Variants in CWC22 observed in about 807,000 individuals in gnomAD.
The protein encoded by CWC22 is CWC22 spliceosome associated protein.
Under a neutral mutation model 117.2 loss-of-function variants are expected in CWC22, and 53 were observed. The ratio of observed to expected loss-of-function variants is 0.45; its 90% CI spans 0.36 to 0.57. The LOEUF is 0.57. Among genes scored for constraint, CWC22 ranks in the 20% least tolerant of loss-of-function variants. The pLI is 0.00. For synonymous variants in CWC22, 360 were observed against 355.6 expected, an observed-to-expected ratio of 1.01 and a Z score of -0.14; for missense variants, 980 against 1,068.8, an observed-to-expected ratio of 0.92 and a Z score of 1.16.
chr2:179,988,467 C>A, intron 3 of CWC22, 110 bp downstream of exon 3: 1 of 623,892 alleles, frequency 1.6e-6, no homozygotes. Flanking sequence ...GGTTATAAAA[C>A]CATTAAAAAG....
At position 179,978,303 on chromosome 2, in the gene CWC22, C is replaced by T. The variant is rs201013176; in HGVS notation, c.468G>A (p.Arg156=). The change falls in exon 6 of 20, where the codon AGG becomes AGA. Residue 156 remains arginine, a synonymous_variant. Transcript: ENST00000410053. ...ITDKNSLAYQ[R]MSWEALKKSI... Reference sequence around the variant, plus strand: ...ACTTCTTCAGGGCCTCCCAACTCATCCTCTGGTATGCTAAGCTAAAAAGAA... The same window carrying T: ...ACTTCTTCAGGGCCTCCCAACTCATTCTCTGGTATGCTAAGCTAAAAAGAA... The T allele has an allele frequency of 8.5e-6, 13 of 1,520,822 alleles. No homozygotes were observed. The East Asian group carries it at 3.2e-4, about 37-fold the overall frequency. 94.2% of individuals were successfully genotyped at this position (1,520,822 alleles called of 1,614,324 possible).
At chr2:179,953,360 T>C (rs142534788) in intron 16 of CWC22, among the ~76,000 whole-genome samples, 6 of 152,256 alleles carry the variant, frequency 3.9e-5, no homozygotes, top group Non-Finnish European at 7.4e-5. Context: ...TTCTACAAGA[T>C]AATCCTGTTC....
rs768570268 is a variant in CWC22 at position 179,986,779 on chromosome 2, C to T, written c.122G>A (p.Arg41Gln). The part of the protein sequence containing the change: ...DRYEEQERSP[R>Q]DRDYFDYSRS... ...GCTGTAATCAAAGTAATCTCTATCC[C>T]GGGGGGATCGTTCTTGTTCTTCATA... Residue 41 changes from arginine (R) to glutamine (Q), a missense_variant, in exon 4 of 20, where the codon CGG (arginine) becomes CAG (glutamine). Arg to Gln is a conservative substitution (Grantham distance 43). This residue lies in a region of CWC22 where 559 missense variants were observed against 602.3 expected (regional missense o/e 0.93). Transcript: ENST00000410053. 18 of 1,595,442 alleles carry T rather than the reference C, an allele frequency of 1.1e-5. No individual in the cohort carries two copies. Among genetic ancestry groups the T allele is most frequent in the Admixed American group, 5.3e-5 (3 of 56,768 alleles).
intron 14 of CWC22, among the ~76,000 whole-genome samples, chr2:179,956,441 T>C (rs924689641): frequency 2.0e-5 from 3 of 151,698 alleles, no homozygotes; most frequent in East Asian, 1.9e-4. Context: ...AAGTGCAGAA[T>C]ATAAATACTT....
chr2:179,949,229 A>G (rs1372580421), intron 19 of CWC22, among the ~76,000 whole-genome samples: 2 of 152,196 alleles, frequency 1.3e-5, no homozygotes, highest in African/African-American at 4.8e-5. Flanking sequence ...GAGGTCTGGT[A>G]GCCTTGCAGG....
chr2:179,970,161 T>C (rs966964290), intron 11 of CWC22, among the ~76,000 whole-genome samples: 2 of 152,156 alleles, frequency 1.3e-5, no homozygotes, highest in African/African-American at 4.8e-5. Context: ...TACCACTTAA[T>C]TGAATACTAA....
intron 16 of CWC22, among the ~76,000 whole-genome samples, chr2:179,953,663 C>T (rs1686511613): frequency 6.6e-6 from 1 of 152,048 alleles, no homozygotes; most frequent in South Asian, 2.1e-4. Flanking sequence ...AATTTCAATC[C>T]AGTGCACATT....
chr2:179,959,184 A>G (rs1686682621), intron 13 of CWC22, 102 bp from the exon 14 acceptor site: 1 of 746,138 alleles, frequency 1.3e-6, no homozygotes, highest in Non-Finnish European at 2.2e-6. Context: ...ATCTTTTTTA[A>G]CTGTAATTTC....
At chr2:179,998,435 T>C (rs1170531862) in intron 1 of CWC22, among the ~76,000 whole-genome samples, 1 of 152,112 alleles carries the variant, frequency 6.6e-6, no homozygotes, top group Non-Finnish European at 1.5e-5. Flanking sequence ...GTGAAACAAC[T>C]GAAGTACAGA....
chr2:179,990,490 G>C (rs1687532443), intron 2 of CWC22, among the ~76,000 whole-genome samples: 1 of 150,924 alleles, frequency 6.6e-6, no homozygotes, highest in African/African-American at 2.4e-5. Context: ...AGATTTCTAT[G>C]ATTAAACACA....
At chr2:179,986,063 C>G (rs941930336) in intron 4 of CWC22, among the ~76,000 whole-genome samples, 1 of 151,984 alleles carries the variant, frequency 6.6e-6, no homozygotes, top group African/African-American at 2.4e-5. Flanking sequence ...AAATATTACC[C>G]CTAGGAGTCT....
intron 2 of CWC22, among the ~76,000 whole-genome samples, chr2:179,991,616 T>C (rs1687569876): frequency 6.6e-6 from 1 of 152,136 alleles, no homozygotes; most frequent in Non-Finnish European, 1.5e-5. Context: ...AAGAGGAGTC[T>C]GAGAAAGGCT....
intron 2 of CWC22, among the ~76,000 whole-genome samples, chr2:179,989,107 A>G (rs1687495470): frequency 6.6e-6 from 1 of 151,894 alleles, no homozygotes; most frequent in South Asian, 2.1e-4. Context: ...CTGAGTCCCT[A>G]AAACCCATTG....
At position 179,978,437 on chromosome 2, in the gene CWC22, C is replaced by T. The variant is rs570369262; in HGVS notation, c.453-119G>A. The T allele has an allele frequency of 4.6e-6, 5 of 1,094,422 alleles. No individual in the cohort carries two copies. The South Asian group carries it at 1.3e-4, about 28-fold the overall frequency. The allele number at this position is 1,094,422 out of a possible 1,614,324, so 67.8% of individuals were successfully genotyped here. ...GACATTATTTTCATGAAACGACCCCCAAGTACAGTAAAATATATGATGCCT... is the reference window on the plus strand; with the variant it reads ...GACATTATTTTCATGAAACGACCCCTAAGTACAGTAAAATATATGATGCCT... On this transcript the variant is annotated intron_variant, in intron 5 of 19. Transcript: ENST00000410053.
chr2:179,994,015 C>T (rs1447956233), intron 1 of CWC22, among the ~76,000 whole-genome samples: 1 of 152,142 alleles, frequency 6.6e-6, no homozygotes, highest in East Asian at 1.9e-4. Context: ...GATATATGCA[C>T]ATATGAGAAC....
chr2:179,981,774 C>G lies in CWC22; in HGVS notation c.430G>C (p.Glu144Gln). ...TGCCTGTTTTTATCTGTAATCTGTT[C>G]CTGCATCATCCTGAGCTTTGCAGGG... Reference protein sequence around the residue: ...IPPAKLRMMQEQITDKNSLAY... With the variant: ...IPPAKLRMMQQQITDKNSLAY... The change falls in exon 5 of 20, where the codon GAA (glutamate) becomes CAA (glutamine). Residue 144 changes from glutamate (E) to glutamine (Q), a missense_variant. Glu to Gln is a conservative substitution (Grantham distance 29, BLOSUM62 2). This residue lies in a region of CWC22 where 559 missense variants were observed against 602.3 expected (regional missense o/e 0.93). Transcript: ENST00000410053. 1 of 1,613,556 alleles carries G rather than the reference C, an allele frequency of 6.2e-7. No homozygotes were observed.
intron 14 of CWC22, among the ~76,000 whole-genome samples, chr2:179,958,717 CT>C (rs1686669399): frequency 1.3e-5 from 2 of 152,004 alleles, no homozygotes; most frequent in Admixed American, 6.6e-5. Context: ...AACAAATTTC[CT>C]ACTATATTCA....
chr2:179,997,355 G>C (rs969838282), intron 1 of CWC22, among the ~76,000 whole-genome samples: 2 of 151,816 alleles, frequency 1.3e-5, no homozygotes, highest in African/African-American at 2.4e-5. Context: ...AGCTTAAAAG[G>C]CTACAAATTA....
At chr2:179,947,063 G>C (rs985609424) in intron 19 of CWC22, among the ~76,000 whole-genome samples, 2 of 152,048 alleles carry the variant, frequency 1.3e-5, no homozygotes, top group African/African-American at 4.8e-5. Flanking sequence ...TATTTAATTT[G>C]GGTGCACAAA....
Sources: gnomAD v4.1 joint callset for allele counts (sites outside exome capture counted in the v4.1 genomes callset) on GRCh38, gnomAD v4.1.1 for gene constraint, gnomAD v4.1.1 regional missense constraint, MANE v1.5 for transcripts, NCBI Gene and HGNC (gene_info 2026-07-23, HGNC 2026-07-21) for gene names.